SLC43A2: variants seen among roughly 807,000 people sequenced by gnomAD.
SLC43A2 encodes solute carrier family 43 member 2.
A neutral mutation model predicts 63.2 loss-of-function variants in SLC43A2; 38 were observed. The observed-to-expected ratio is 0.60, with a 90% CI of 0.46 to 0.79. SLC43A2 has a LOEUF of 0.79. SLC43A2 is among the 30% of genes least tolerant of loss of function. The pLI is 0.00. For synonymous variants in SLC43A2, 322 were observed against 331.0 expected (o/e 0.97, Z 0.30); for missense variants, 644 against 756.2 (o/e 0.85, Z 1.74).
In SLC43A2 at chr17:1,572,702, C is replaced by G. The variant is rs2075863739; in HGVS notation, c.*2902G>C. 6.6e-6 allele frequency: 1 copy of G among 152,604 alleles called. No homozygotes were observed. The highest frequency in any genetic ancestry group is 2.4e-5 in the African/African-American group (1 of 41,482). The allele number at this position is 152,604 out of a possible 1,614,324, so 9.5% of individuals were successfully genotyped here. ...CCTGCTCGCATTTTCAGGCCTCAAT[C>G]CCCAAGCACTGTTGGCCCTGGACTG... On this transcript the variant is annotated 3_prime_UTR_variant, in exon 14 of 14. Coordinates refer to ENST00000301335, the MANE Select transcript of SLC43A2 (RefSeq NM_152346.3).
intron 2 of SLC43A2, 36 bp downstream of exon 2, chr17:1,627,678 TC>T: frequency 1.2e-6 from 1 of 821,412 alleles, no homozygotes; most frequent in Non-Finnish European, 1.6e-6. Flanking sequence ...AAGCCCCAGC[TC>T]CAGGAGCCCC....
chr17:1,614,912 G>A, intron 4 of SLC43A2, 67 bp downstream of exon 4: 2 of 1,533,560 alleles, frequency 1.3e-6, no homozygotes, highest in African/African-American at 1.4e-5. Flanking sequence ...GAGCAGGTGG[G>A]CCTGGGAGCA....
At chr17:1,591,521 G>T (rs773077416) in intron 7 of SLC43A2, 45 bp downstream of exon 7, 2 of 1,608,460 alleles carry the variant, frequency 1.2e-6, no homozygotes, top group Admixed American at 3.3e-5. Flanking sequence ...CCCCGGCTGG[G>T]GGGCGGGGGC....
chr17:1,605,386 GGGA>G lies in SLC43A2; in HGVS notation c.501+7806_501+7808del. ...GGAGTGCCTGCAGGGCCAAGGCCCT[GGGA>G]CAGTGCGGGCGCGGGAGCTTCTCTA... On this transcript the variant is annotated intron_variant, in intron 5 of 13. Coordinates refer to ENST00000301335, the MANE Select transcript of SLC43A2 (RefSeq NM_152346.3). This position sits in a 1 kb window ranked among gnomAD's most constrained non-coding sequence, Gnocchi z 4.9. The G allele has an allele frequency of 1.2e-5, 3 of 252,430 alleles. No individual in the cohort carries two copies. Among genetic ancestry groups the G allele is most frequent in the Non-Finnish European group, 1.9e-5 (3 of 156,302 alleles). The allele number at this position is 252,430 out of a possible 1,614,324, so 15.6% of individuals were successfully genotyped here. A position where few individuals can be genotyped will look rare whatever the true frequency, so the allele number is the denominator to read the frequency against.
chr17:1,591,071 C>T (rs763514639), intron 8 of SLC43A2, 123 bp from the exon 9 acceptor site: 320 of 1,284,384 alleles, frequency 2.5e-4, no homozygotes, highest in Non-Finnish European at 3.2e-4. Context: ...GTGAGGGTAA[C>T]GGGGTTGGCG....
chr17:1,591,739 G>GTGGGGC, intron 6 of SLC43A2, 40 bp from the exon 7 acceptor site: 8 of 512,302 alleles, frequency 1.6e-5, no homozygotes, highest in East Asian at 4.1e-5. Flanking sequence ...GGGGGAGGGG[G>GTGGGGC]CAGAGTTAGC....
chr17:1,587,961 C>CCT (rs1904372278), intron 9 of SLC43A2, among the ~76,000 whole-genome samples: 1 of 151,810 alleles, frequency 6.6e-6, no homozygotes, highest in South Asian at 2.1e-4. Flanking sequence ...CTGTTTTCCC[C>CCT]CCTTAATTCT....
chr17:1,600,512 C>G (rs1211833611), intron 5 of SLC43A2, among the ~76,000 whole-genome samples: 2 of 145,992 alleles, frequency 1.4e-5, no homozygotes, highest in African/African-American at 2.5e-5. Context: ...AAAGAAGAGA[C>G]ATTCTAAATC....
At chr17:1,629,258 G>A (rs949699726), upstream of SLC43A2, among the ~76,000 whole-genome samples, 5 of 151,830 alleles carry the variant, frequency 3.3e-5, no homozygotes, top group Non-Finnish European at 7.4e-5. Flanking sequence ...TGCCCCCTGC[G>A]CGCGGGTCAC....
At chr17:1,597,856 A>C (rs1294583699) in intron 5 of SLC43A2, among the ~76,000 whole-genome samples, 2 of 152,230 alleles carry the variant, frequency 1.3e-5, no homozygotes, top group Non-Finnish European at 2.9e-5. Flanking sequence ...TTCCAACAGA[A>C]GACAAAAGAA....
rs931389919 is a variant in SLC43A2 at position 1,574,040 on chromosome 17, C to G, written c.*1564G>C. ...TTCCTCTTCTCCTTTCATCCCCCTC[C>G]CTGCCGCCCACATCCTGAACTGCTC... On this transcript the variant is annotated 3_prime_UTR_variant, in exon 14 of 14. Transcript: ENST00000301335. 6.6e-6 allele frequency: 1 copy of G among 152,488 alleles called. No homozygotes were observed. The highest frequency in any genetic ancestry group is 2.4e-5 in the African/African-American group (1 of 41,446). 9.4% of individuals were successfully genotyped at this position (152,488 alleles called of 1,614,324 possible).
intron 9 of SLC43A2, among the ~76,000 whole-genome samples, chr17:1,589,624 T>A (rs1207490062): frequency 6.6e-6 from 1 of 151,688 alleles, no homozygotes; most frequent in East Asian, 1.9e-4. Context: ...TCCACAGATA[T>A]TTTTTTTTCT....
At chr17:1,615,152 G>A (rs1380244048) in intron 3 of SLC43A2, 118 bp from the exon 4 acceptor site, 10 of 1,239,072 alleles carry the variant, frequency 8.1e-6, no homozygotes, top group Non-Finnish European at 1.2e-5. Flanking sequence ...CTGTCACCCG[G>A]GCTGGAGTGC....
At position 1,583,163 on chromosome 17, in the gene SLC43A2, T is replaced by C; in HGVS notation, c.1350+41A>G. 1 of 1,599,212 alleles carries C rather than the reference T, an allele frequency of 6.3e-7. No individual in the cohort carries two copies. On this transcript the variant is annotated intron_variant, in intron 11 of 13. Coordinates refer to ENST00000301335, the MANE Select transcript of SLC43A2 (RefSeq NM_152346.3). The surrounding 1 kb of genome is among the most constrained non-coding windows in gnomAD (Gnocchi z 5.5). ...TGAGTCTTTACATGTTCCTTCTGACTGCCCCACCTCCCACCTGCCCCTCCC... is the reference window on the plus strand; with the variant it reads ...TGAGTCTTTACATGTTCCTTCTGACCGCCCCACCTCCCACCTGCCCCTCCC...
At chr17:1,584,527 C>T (rs886768846) in intron 10 of SLC43A2, among the ~76,000 whole-genome samples, 4 of 152,048 alleles carry the variant, frequency 2.6e-5, no homozygotes, top group South Asian at 2.1e-4. Context: ...TGGAAAACAG[C>T]GTTTGGCTGG....
intron 9 of SLC43A2, chr17:1,586,936 A>ACCCCCCCCCCC: frequency 6.0e-6 from 3 of 501,652 alleles, no homozygotes; most frequent in South Asian, 5.2e-5. Context: ...AATCCCCCCC[A>ACCCCCCCCCCC]CCCCCCGCTT....
chr17:1,592,077 C>A (rs1306282834), intron 6 of SLC43A2, among the ~76,000 whole-genome samples: 1 of 152,186 alleles, frequency 6.6e-6, no homozygotes, highest in Admixed American at 6.5e-5. Flanking sequence ...AACCGGCCAG[C>A]CCCGTCCACT....
chr17:1,584,465 T>G (rs926816351), intron 10 of SLC43A2, among the ~76,000 whole-genome samples: 3 of 152,020 alleles, frequency 2.0e-5, no homozygotes, highest in Non-Finnish European at 4.4e-5. Context: ...GAGTCCTCGG[T>G]GGAGGGCCTC....
chr17:1,585,762 G>C lies in SLC43A2; in HGVS notation c.1217+151C>G, dbSNP rs774003727. ...GAGCAGTTGAAACGCATGCTGAGCT[G>C]AATGAGTGAGTCTCTCTAAGGGCTC... On this transcript the variant is annotated intron_variant, in intron 10 of 13. Coordinates refer to ENST00000301335, the MANE Select transcript of SLC43A2 (RefSeq NM_152346.3). The C allele has an allele frequency of 3.1e-6, 5 of 1,591,634 alleles. No individual in the cohort carries two copies. The South Asian group carries it at 5.6e-5, about 18-fold the overall frequency.
Sources: allele counts gnomAD v4.1 joint callset (sites outside exome capture counted in the v4.1 genomes callset), GRCh38; gene constraint gnomAD v4.1.1; non-coding constraint Gnocchi (gnomAD v3.1); transcripts MANE v1.5; gene names NCBI Gene and HGNC (gene_info 2026-07-23, HGNC 2026-07-21).